Variants in SNX29 observed in about 807,000 individuals in gnomAD.
The protein encoded by SNX29 is sorting nexin 29, also known as sorting nexin-29.
Under a neutral mutation model 102.1 loss-of-function variants are expected in SNX29, and 78 were observed. The observed-to-expected ratio is 0.76, with a 90% CI of 0.64 to 0.92. The LOEUF (loss-of-function observed/expected upper bound fraction) is 0.92. Among genes scored for constraint, SNX29 ranks in the 40% least tolerant of loss-of-function variants. The probability of loss-of-function intolerance (pLI) is 0.00; values close to 1 mark genes in which losing one functional copy is unlikely to be tolerated. For missense variants in SNX29, 1,280 were observed against 1,061.7 expected, an observed-to-expected ratio of 1.21 and a Z score of -2.86; for synonymous variants, 580 against 414.5, an observed-to-expected ratio of 1.40 and a Z score of -4.85.
intron 20 of SNX29, among the ~76,000 whole-genome samples, chr16:12,552,473 A>T (rs1345780667): frequency 6.6e-6 from 1 of 152,192 alleles, no homozygotes. Context: ...CTCATCACCC[A>T]ACGATTGGGC....
intron 11 of SNX29, among the ~76,000 whole-genome samples, chr16:12,097,998 T>C (rs2141178605): frequency 6.6e-6 from 1 of 152,360 alleles, no homozygotes; most frequent in East Asian, 1.9e-4. Flanking sequence ...CAGTCCCACA[T>C]GAAGGGCTCA....
At chr16:12,431,107 C>T (rs891423584) in intron 18 of SNX29, among the ~76,000 whole-genome samples, 3 of 152,188 alleles carry the variant, frequency 2.0e-5, no homozygotes, top group African/African-American at 7.2e-5. Context: ...CCACCTCGGC[C>T]TCCCAAAGTG....
At chr16:12,400,419 G>T (rs1279609966) in intron 17 of SNX29, among the ~76,000 whole-genome samples, 1 of 152,186 alleles carries the variant, frequency 6.6e-6, no homozygotes. Context: ...TCAGAGATGG[G>T]TGTCTCCTCA....
chr16:12,245,354 C>T (rs917219396), intron 14 of SNX29, among the ~76,000 whole-genome samples: 1 of 152,008 alleles, frequency 6.6e-6, no homozygotes. Context: ...ATTTAACATG[C>T]GGTGACAGGT....
chr16:12,487,474 C>T (rs775384728), intron 19 of SNX29, among the ~76,000 whole-genome samples: 13 of 152,118 alleles, frequency 8.5e-5, no homozygotes, highest in Non-Finnish European at 1.5e-5. Flanking sequence ...GGCTGAGGGG[C>T]AATAAGCATC....
chr16:12,512,440 G>T lies in SNX29; in HGVS notation c.2179-12262G>T, dbSNP rs558868478. On this transcript the variant is annotated intron_variant, in intron 19 of 20. Coordinates refer to ENST00000566228, the MANE Select transcript of SNX29 (RefSeq NM_032167.5). ...TATAGTTTTCGGTTTTTGAGACAGG[G>T]TCTCCCTCTGTTGCCCAGGCTGGAG... Among the ~76,000 whole-genome samples, 13 of 135,858 alleles carry T rather than the reference G, an allele frequency of 9.6e-5. No individual in the cohort carries two copies. In the South Asian group the frequency reaches 3.2e-3, roughly 33 times the overall value. The allele number at this position is 135,858 out of a possible 152,430, so 89.1% of individuals were successfully genotyped here. A position where few individuals can be genotyped will look rare whatever the true frequency, so the allele number is the denominator to read the frequency against.
At chr16:12,287,015 G>A (rs1482186207) in intron 15 of SNX29, among the ~76,000 whole-genome samples, 4 of 152,146 alleles carry the variant, frequency 2.6e-5, no homozygotes, top group Non-Finnish European at 5.9e-5. Context: ...CTTTAAGAAC[G>A]TCTTTTAGGG....
chr16:12,324,931 G>C (rs1210580934), intron 15 of SNX29, among the ~76,000 whole-genome samples: 1 of 152,112 alleles, frequency 6.6e-6, no homozygotes, highest in South Asian at 2.1e-4. Flanking sequence ...CGTTTCAACC[G>C]GGACGCAAGC....
chr16:12,571,897 C>A lies in SNX29; in HGVS notation c.*3268C>A. ...AGTTTGGAGCTGAGGTTCAAAGCCC[C>A]CTGCATTTCTCTACTGGCAGGCCCT... On this transcript the variant is annotated 3_prime_UTR_variant, in exon 21 of 21. Transcript: ENST00000566228. 2 of 1,062,128 alleles carry A rather than the reference C, an allele frequency of 1.9e-6. No individual in the cohort carries two copies. Among genetic ancestry groups the A allele is most frequent in the Non-Finnish European group, 2.3e-6 (2 of 877,252 alleles). The allele number at this position is 1,062,128 out of a possible 1,614,324, so 65.8% of individuals were successfully genotyped here. A position where few individuals can be genotyped will look rare whatever the true frequency, so the allele number is the denominator to read the frequency against.
At chr16:12,008,281 T>C (rs1267966876) in intron 3 of SNX29, among the ~76,000 whole-genome samples, 1 of 151,216 alleles carries the variant, frequency 6.6e-6, no homozygotes, top group Non-Finnish European at 1.5e-5. Context: ...TTTTTTTTCT[T>C]TTTTTGAGAT....
intron 7 of SNX29, among the ~76,000 whole-genome samples, chr16:12,051,355 C>T (rs1319482488): frequency 2.0e-5 from 3 of 148,464 alleles, no homozygotes; most frequent in Non-Finnish European, 4.5e-5. Flanking sequence ...AAAAGCAGAG[C>T]ACTACGCCAG....
intron 13 of SNX29, among the ~76,000 whole-genome samples, chr16:12,151,817 C>G (rs2055314182): frequency 6.6e-6 from 1 of 152,190 alleles, no homozygotes; most frequent in South Asian, 2.1e-4. Flanking sequence ...CTCACTGCAA[C>G]CTCTGCCTCC....
intron 2 of SNX29, among the ~76,000 whole-genome samples, chr16:12,002,150 A>G (rs1401013502): frequency 6.6e-6 from 1 of 152,118 alleles, no homozygotes; most frequent in Non-Finnish European, 1.5e-5. Context: ...TTACTAATTC[A>G]AAAAGTAGCC....
At chr16:12,219,911 C>A (rs151197691) in intron 14 of SNX29, among the ~76,000 whole-genome samples, 1 of 152,212 alleles carries the variant, frequency 6.6e-6, no homozygotes, top group Admixed American at 6.5e-5. Context: ...CACTCCACAG[C>A]CCCCCAGCGC....
chr16:12,540,645 C>T lies in SNX29; in HGVS notation c.2318+15804C>T, dbSNP rs566362073. On this transcript the variant is annotated intron_variant, in intron 20 of 20. Coordinates refer to ENST00000566228, the MANE Select transcript of SNX29 (RefSeq NM_032167.5). Reference sequence around the variant, plus strand: ...AAAGAGTCCAGGATCATCTCCCCATCTCAAAAGCCTGAATGTAACCACAGC... The same window carrying T: ...AAAGAGTCCAGGATCATCTCCCCATTTCAAAAGCCTGAATGTAACCACAGC... Among the ~76,000 whole-genome samples the T allele has an allele frequency of 2.1e-4, 32 of 152,334 alleles. 1 individual carries two copies. In the South Asian group the frequency reaches 5.8e-3, roughly 28 times the overall value.
chr16:12,567,913 C>G (rs1322619227), intron 20 of SNX29, among the ~76,000 whole-genome samples: 1 of 151,512 alleles, frequency 6.6e-6, no homozygotes, highest in African/African-American at 2.4e-5. Flanking sequence ...CCCTGGGACC[C>G]ACACACGCTG....
Position 12,572,478 on chromosome 16 carries a change from G to C in SNX29, c.*3849G>C, listed in dbSNP as rs774120548. The C allele has an allele frequency of 1.1e-5, 12 of 1,063,814 alleles. No homozygotes were observed. The Admixed American group carries it at 2.1e-4, about 19-fold the overall frequency. 65.9% of individuals were successfully genotyped at this position (1,063,814 alleles called of 1,614,324 possible). A position where few individuals can be genotyped will look rare whatever the true frequency, so the allele number is the denominator to read the frequency against. On this transcript the variant is annotated 3_prime_UTR_variant, in exon 21 of 21. Transcript: ENST00000566228. ...TACATTTTGCCAACCCTGAGGACCAGTTCTTGGGGTTCCAGGCCTCGGCCT... is the reference window on the plus strand; with the variant it reads ...TACATTTTGCCAACCCTGAGGACCACTTCTTGGGGTTCCAGGCCTCGGCCT...
rs528934135 is a variant in SNX29 at position 12,098,502 on chromosome 16, G to C, written c.1402+19587G>C. Among the ~76,000 whole-genome samples the C allele has an allele frequency of 1.3e-5, 2 of 152,300 alleles. No individual in the cohort carries two copies. Among genetic ancestry groups the C allele is most frequent in the Middle Eastern group, 3.4e-3 (1 of 294 alleles). On this transcript the variant is annotated intron_variant, in intron 11 of 20. Transcript: ENST00000566228. The surrounding 1 kb of genome is among the most constrained non-coding windows in gnomAD (Gnocchi z 6.0). ...TGATGGGACGTTACATTGCATTTCA[G>C]CAGCACCCAGCTGCTTCCAGGTGTC...
At chr16:12,529,695 G>C (rs1422800999) in intron 20 of SNX29, among the ~76,000 whole-genome samples, 1 of 151,996 alleles carries the variant, frequency 6.6e-6, no homozygotes, top group East Asian at 1.9e-4. Flanking sequence ...ATTTGCTGCT[G>C]CATTCTCTCT....
Sources: allele counts gnomAD v4.1 joint callset (sites outside exome capture counted in the v4.1 genomes callset), GRCh38; gene constraint gnomAD v4.1.1; non-coding constraint Gnocchi (gnomAD v3.1); transcripts MANE v1.5; gene names NCBI Gene and HGNC (gene_info 2026-07-23, HGNC 2026-07-21).